Variants in HS3ST4 observed in about 807,000 individuals in gnomAD.
The protein encoded by HS3ST4 is heparan sulfate glucosamine 3-O-sulfotransferase 4.
HS3ST4 carries 17 observed loss-of-function variants against 29.2 expected under a neutral mutation model. The ratio of observed to expected loss-of-function variants is 0.58; its 90% CI spans 0.40 to 0.87. The LOEUF (loss-of-function observed/expected upper bound fraction) is 0.87, where lower values mean the gene tolerates loss of function less well. HS3ST4 is among the 40% of genes least tolerant of loss of function. HS3ST4 has a pLI of 0.00. For synonymous variants in HS3ST4, 314 were observed against 285.7 expected (o/e 1.10, Z -1.00); for missense variants, 627 against 634.5 (o/e 0.99, Z 0.13).
chr16:26,080,362 G>A (rs1567307712), intron 1 of HS3ST4, among the ~76,000 whole-genome samples: 1 of 152,110 alleles, frequency 6.6e-6, no homozygotes, highest in Non-Finnish European at 1.5e-5. Context: ...ATGAATGAAT[G>A]GATACCTGGT....
At chr16:26,121,532 C>T (rs1189937451) in intron 1 of HS3ST4, among the ~76,000 whole-genome samples, 3 of 152,138 alleles carry the variant, frequency 2.0e-5, no homozygotes, top group East Asian at 3.9e-4. Flanking sequence ...TAAGACTCAG[C>T]GAGAGCAAAC....
intron 1 of HS3ST4, among the ~76,000 whole-genome samples, chr16:25,741,973 G>A (rs1051601428): frequency 6.6e-6 from 1 of 152,160 alleles, no homozygotes; most frequent in African/African-American, 2.4e-5. Flanking sequence ...TTAAAAAAAA[G>A]AGTATGTGAG....
intron 1 of HS3ST4, among the ~76,000 whole-genome samples, chr16:25,756,353 G>A (rs184746121): frequency 6.6e-6 from 1 of 152,286 alleles, no homozygotes; most frequent in East Asian, 1.9e-4. Context: ...TGCAGAAGAT[G>A]ATGATGATTT....
intron 1 of HS3ST4, among the ~76,000 whole-genome samples, chr16:25,983,692 T>C (rs911014944): frequency 1.3e-5 from 2 of 152,190 alleles, no homozygotes; most frequent in African/African-American, 4.8e-5. Context: ...CCATACATAG[T>C]CTTGGCTCTA....
At chr16:25,924,843 A>G (rs1402180466) in intron 1 of HS3ST4, among the ~76,000 whole-genome samples, 1 of 152,182 alleles carries the variant, frequency 6.6e-6, no homozygotes, top group Non-Finnish European at 1.5e-5. Flanking sequence ...ATGAACATCA[A>G]GGCCCCTGGT....
intron 1 of HS3ST4, among the ~76,000 whole-genome samples, chr16:26,088,186 C>G (rs751785645): frequency 1.3e-5 from 2 of 152,158 alleles, no homozygotes; most frequent in Non-Finnish European, 2.9e-5. Context: ...GTATTGTATT[C>G]TCGTCCAGAA....
chr16:25,814,845 G>C (rs1338447006), intron 1 of HS3ST4, among the ~76,000 whole-genome samples: 3 of 152,202 alleles, frequency 2.0e-5, no homozygotes, highest in Non-Finnish European at 4.4e-5. Context: ...ATTGCACGTT[G>C]TCCAGATAAT....
At chr16:25,985,709 G>A (rs115775400) in intron 1 of HS3ST4, among the ~76,000 whole-genome samples, 3,103 of 150,712 alleles carry the variant, frequency 0.021, 123 homozygotes, top group African/African-American at 0.073. Context: ...TATTTTTAGC[G>A]ACAGGGTCTT....
intron 1 of HS3ST4, among the ~76,000 whole-genome samples, chr16:25,921,642 A>G (rs527936933): frequency 6.6e-6 from 1 of 152,318 alleles, no homozygotes; most frequent in South Asian, 2.1e-4. Context: ...ATCAGCAGGA[A>G]AACTTTTTGG....
chr16:25,917,339 A>G (rs1311509976), intron 1 of HS3ST4, among the ~76,000 whole-genome samples: 2 of 152,056 alleles, frequency 1.3e-5, no homozygotes, highest in Non-Finnish European at 2.9e-5. Context: ...TACCCTCCCG[A>G]GTAGCTGGGA....
chr16:25,842,676 G>A (rs1032535995), intron 1 of HS3ST4, among the ~76,000 whole-genome samples: 3 of 152,114 alleles, frequency 2.0e-5, no homozygotes, highest in African/African-American at 7.2e-5. Context: ...CTAGAAATTA[G>A]GAACTTCAGG....
intron 1 of HS3ST4, among the ~76,000 whole-genome samples, chr16:25,935,178 A>G (rs1248205230): frequency 1.3e-5 from 2 of 152,166 alleles, no homozygotes; most frequent in African/African-American, 4.8e-5. Context: ...AGAGTCAATT[A>G]AACCTCTTTC....
chr16:25,938,858 A>G (rs1968544528), intron 1 of HS3ST4, among the ~76,000 whole-genome samples: 2 of 152,122 alleles, frequency 1.3e-5, no homozygotes, highest in African/African-American at 4.8e-5. Context: ...TTTCTTTGGA[A>G]GCACTTCTCA....
At chr16:26,032,323 G>T (rs1969538487) in intron 1 of HS3ST4, among the ~76,000 whole-genome samples, 2 of 151,800 alleles carry the variant, frequency 1.3e-5, no homozygotes, top group Non-Finnish European at 1.5e-5. Context: ...AGGGAAAGGT[G>T]TTTTCTCCAC....
At chr16:26,028,941 C>A (rs909166933) in intron 1 of HS3ST4, 1 of 152,230 alleles carries the variant, frequency 6.6e-6, no homozygotes, top group Non-Finnish European at 1.5e-5. Context: ...TGAACATACC[C>A]GATCTCGTCT....
chr16:26,070,756 G>A (rs928545238), intron 1 of HS3ST4, among the ~76,000 whole-genome samples: 3 of 152,144 alleles, frequency 2.0e-5, no homozygotes, highest in East Asian at 1.9e-4. Context: ...TTTGTTCTCT[G>A]CTCTGGTCTT....
intron 1 of HS3ST4, among the ~76,000 whole-genome samples, chr16:25,694,345 A>G (rs1189887174): frequency 1.3e-5 from 2 of 152,260 alleles, no homozygotes; most frequent in Non-Finnish European, 2.9e-5. Flanking sequence ...AAATGTGTGC[A>G]TTATGATTGA....
At chr16:25,947,639 A>T (rs537463549) in intron 1 of HS3ST4, among the ~76,000 whole-genome samples, 1 of 152,254 alleles carries the variant, frequency 6.6e-6, no homozygotes, top group East Asian at 1.9e-4. Flanking sequence ...CTTTGTCAGC[A>T]TTTCATTGGC....
At chr16:26,034,155 A>G (rs748773399) in intron 1 of HS3ST4, among the ~76,000 whole-genome samples, 1 of 152,074 alleles carries the variant, frequency 6.6e-6, no homozygotes, top group African/African-American at 2.4e-5. Flanking sequence ...TCTGACATCC[A>G]TAGGTTCCTG....
Sources: allele counts gnomAD v4.1 joint callset (sites outside exome capture counted in the v4.1 genomes callset), GRCh38; gene constraint gnomAD v4.1.1; transcripts MANE v1.5; gene names NCBI Gene and HGNC (gene_info 2026-07-23, HGNC 2026-07-21).